Variants in PARP8 observed in about 807,000 individuals in gnomAD.
PARP8 encodes the protein protein mono-ADP-ribosyltransferase PARP8.
In PARP8, 51 loss-of-function variants were observed where a neutral mutation model predicts 124.1. That is an observed-to-expected ratio of 0.41 (90% CI 0.33 to 0.52). The LOEUF is 0.52. Ranked by LOEUF, PARP8 falls within the 20% of genes least tolerant of loss-of-function variation. The probability of loss-of-function intolerance (pLI) is 0.21; values close to 1 mark genes in which losing one functional copy is unlikely to be tolerated. For missense variants in PARP8, 860 were observed against 1,018.9 expected (o/e 0.84, Z 2.12); for synonymous variants, 391 against 361.5 (o/e 1.08, Z -0.93).
intron 2 of PARP8, among the ~76,000 whole-genome samples, chr5:50,745,828 C>T (rs1329125667): frequency 1.3e-5 from 2 of 152,078 alleles, no homozygotes; most frequent in Non-Finnish European, 2.9e-5. Flanking sequence ...TAGTACCATT[C>T]GACAGTATAA....
At chr5:50,735,771 T>C (rs1417318311) in intron 2 of PARP8, among the ~76,000 whole-genome samples, 2 of 151,978 alleles carry the variant, frequency 1.3e-5, no homozygotes, top group African/African-American at 4.8e-5. Flanking sequence ...TAATCTGATA[T>C]TCATCCAAAT....
intron 2 of PARP8, among the ~76,000 whole-genome samples, chr5:50,704,310 A>T (rs891927029): frequency 6.6e-6 from 1 of 152,156 alleles, no homozygotes; most frequent in African/African-American, 2.4e-5. Flanking sequence ...TGACAGTCAA[A>T]AAAGGCCACT....
Position 50,795,132 on chromosome 5 carries a change from G to T in PARP8, c.1143G>T (p.Ser381=), listed in dbSNP as rs777257327. The T allele has an allele frequency of 1.2e-5, 19 of 1,614,024 alleles. No homozygotes were observed. Among genetic ancestry groups the T allele is most frequent in the African/African-American group, 2.7e-5 (2 of 74,908 alleles). Reference sequence around the variant, plus strand: ...CAGAGGAATGCCTAACTCTAAAGTCGCATAGACTATTGACTCGATCTTGTT... The same window carrying T: ...CAGAGGAATGCCTAACTCTAAAGTCTCATAGACTATTGACTCGATCTTGTT... ...VKSEECLTLK[S]HRLLTRSCSG... is the part of the protein sequence containing the mutation. The change falls in exon 12 of 26, where the codon TCG becomes TCT. Residue 381 remains serine (S), a synonymous_variant. Transcript: ENST00000281631.
chr5:50,685,014 G>T (rs1190027259), intron 2 of PARP8, among the ~76,000 whole-genome samples: 2 of 151,610 alleles, frequency 1.3e-5, no homozygotes, highest in African/African-American at 4.9e-5. Context: ...CTCCTTTTTT[G>T]TTTTTTTTAA....
At position 50,696,456 on chromosome 5, in the gene PARP8, T is replaced by C. The variant is rs188963291; in HGVS notation, c.146+28331T>C. ...TCATTCCAGAAGCCCATAATCTTTG[T>C]TTGGAAAGATGAAAATGATAAGGCA... On this transcript the variant is annotated intron_variant, in intron 2 of 25. Coordinates refer to ENST00000281631, the MANE Select transcript of PARP8 (RefSeq NM_024615.4). Among the ~76,000 whole-genome samples, 151 of 152,258 alleles carry C rather than the reference T, an allele frequency of 9.9e-4. No individual in the cohort carries two copies. In the Middle Eastern group the frequency reaches 0.014, roughly 14 times the overall value.
intron 2 of PARP8, among the ~76,000 whole-genome samples, chr5:50,681,412 T>A (rs146318926): frequency 1.3e-5 from 2 of 152,248 alleles, no homozygotes; most frequent in Non-Finnish European, 2.9e-5. Context: ...ATTCTTGATG[T>A]GGTTAGGACT....
At chr5:50,706,023 C>CT (rs1561268910) in intron 2 of PARP8, among the ~76,000 whole-genome samples, 1 of 152,118 alleles carries the variant, frequency 6.6e-6, no homozygotes, top group Non-Finnish European at 1.5e-5. Context: ...TTAAAATGGA[C>CT]TAGTTGGATT....
At chr5:50,802,620 A>G (rs893743755) in intron 14 of PARP8, among the ~76,000 whole-genome samples, 1 of 152,198 alleles carries the variant, frequency 6.6e-6, no homozygotes, top group African/African-American at 2.4e-5. Context: ...CCCAGCCTTA[A>G]TAATATATAA....
intron 14 of PARP8, among the ~76,000 whole-genome samples, chr5:50,812,155 G>T (rs1744530198): frequency 6.6e-6 from 1 of 152,110 alleles, no homozygotes; most frequent in South Asian, 2.1e-4. Context: ...CCAGATCCTT[G>T]AGGAATCGCC....
chr5:50,826,308 TC>T (rs1019725806), intron 18 of PARP8, among the ~76,000 whole-genome samples: 43 of 151,872 alleles, frequency 2.8e-4, no homozygotes, highest in African/African-American at 1.0e-3. Flanking sequence ...ATATATCAGC[TC>T]AAAGAGATCC....
chr5:50,789,872 CAT>C (rs1450647895), intron 10 of PARP8, among the ~76,000 whole-genome samples: 1 of 152,116 alleles, frequency 6.6e-6, no homozygotes, highest in Non-Finnish European at 1.5e-5. Flanking sequence ...AATTTGGCAT[CAT>C]ATGTGGGCTT....
intron 2 of PARP8, among the ~76,000 whole-genome samples, chr5:50,730,964 TGTTCAGG>T (rs1756918449): frequency 6.6e-6 from 1 of 152,188 alleles, no homozygotes; most frequent in Non-Finnish European, 1.5e-5. Context: ...GTTGACTGCA[TGTTCAGG>T]AATACTTTGA....
At chr5:50,667,682 T>C (rs1312593670) in intron 1 of PARP8, 1 of 699,788 alleles carries the variant, frequency 1.4e-6, no homozygotes, top group East Asian at 2.7e-5. Flanking sequence ...TCTAGTCCCC[T>C]CCGACTGGCA....
At chr5:50,750,917 A>T (rs1759184176) in intron 3 of PARP8, among the ~76,000 whole-genome samples, 2 of 105,584 alleles carry the variant, frequency 1.9e-5, no homozygotes. Flanking sequence ...AAGTATTTAT[A>T]AGAAAAATAC....
chr5:50,747,543 A>C (rs1758724797), intron 2 of PARP8, among the ~76,000 whole-genome samples: 1 of 151,720 alleles, frequency 6.6e-6, no homozygotes, highest in Non-Finnish European at 1.5e-5. Flanking sequence ...TGCTTCATAT[A>C]TTATGAGGCT....
chr5:50,823,247 C>T (rs1745968819), intron 17 of PARP8, among the ~76,000 whole-genome samples: 1 of 152,200 alleles, frequency 6.6e-6, no homozygotes, highest in Non-Finnish European at 1.5e-5. Flanking sequence ...TCTCCCCGCC[C>T]CCCACCAACC....
rs181042606 is a variant in PARP8, at chr5:50,762,595, A to C, written c.424-553A>C. Among the ~76,000 whole-genome samples the C allele has an allele frequency of 4.5e-4, 68 of 152,298 alleles. 1 individual carries two copies. Among genetic ancestry groups the C allele is most frequent in the Middle Eastern group, 3.4e-3 (1 of 294 alleles). On this transcript the variant is annotated intron_variant, in intron 6 of 25. Transcript: ENST00000281631. ...ATGTTAAAGAAGGACGTTAAAGCCA[A>C]AATTATGTAAAAGAATGCAAGTAAA...
intron 9 of PARP8, among the ~76,000 whole-genome samples, chr5:50,781,450 C>T (rs181788769): frequency 6.6e-6 from 1 of 152,268 alleles, no homozygotes; most frequent in East Asian, 1.9e-4. Flanking sequence ...GATGTGTGAA[C>T]AGTTCTCCCA....
intron 24 of PARP8, 149 bp downstream of exon 24, chr5:50,834,197 T>C (rs913394870): frequency 9.9e-6 from 6 of 606,772 alleles, no homozygotes; most frequent in African/African-American, 1.9e-5. Flanking sequence ...CAAAAACGGG[T>C]ACCGTAGAGA....
Sources: allele counts gnomAD v4.1 joint callset (sites outside exome capture counted in the v4.1 genomes callset), GRCh38; gene constraint gnomAD v4.1.1; transcripts MANE v1.5; gene names NCBI Gene and HGNC (gene_info 2026-07-23, HGNC 2026-07-21).